Variants in SAMD13 observed in about 807,000 individuals in gnomAD.
SAMD13 encodes the protein sterile alpha motif domain containing 13.
Under a neutral mutation model 12.4 loss-of-function variants are expected in SAMD13, and 9 were observed. The ratio of observed to expected loss-of-function variants is 0.72; its 90% confidence interval spans 0.44 to 1.26. SAMD13 has a LOEUF of 1.26. Among genes scored for constraint, SAMD13 ranks in the 50% most tolerant of loss-of-function variants. The probability of loss-of-function intolerance (pLI) is 0.00; values close to 1 mark genes in which losing one functional copy is unlikely to be tolerated. For synonymous variants in SAMD13, 46 were observed against 45.4 expected (o/e 1.01, Z -0.05); for missense variants, 84 against 119.6 (o/e 0.70, Z 1.39).
At chr1:84,326,484 A>G (rs1570246631) in intron 3 of SAMD13, among the ~76,000 whole-genome samples, 1 of 152,080 alleles carries the variant, frequency 6.6e-6, no homozygotes, top group African/African-American at 2.4e-5. Flanking sequence ...GTCCATCCCA[A>G]TTGTCTAGGT....
intron 3 of SAMD13, among the ~76,000 whole-genome samples, chr1:84,348,141 A>G (rs948160458): frequency 2.0e-5 from 3 of 152,240 alleles, no homozygotes; most frequent in African/African-American, 4.8e-5. Context: ...AAGTGATTGT[A>G]TAACTCATAG....
intron 2 of SAMD13, among the ~76,000 whole-genome samples, chr1:84,315,058 TTCTTTCTTTTTCTTC>T (rs1678804800): frequency 6.7e-6 from 1 of 149,350 alleles, no homozygotes. Flanking sequence ...CTTTCCTTCC[TTCTTTCTTTTTCTTC>T]TCTTTCTTTT....
upstream of SAMD13, chr1:84,298,577 CTGCCTGTGCGCCCAGGGCGTGGGAAG>C (rs2101780233): frequency 7.8e-7 from 1 of 1,284,884 alleles, no homozygotes; most frequent in South Asian, 3.7e-5. Context: ...GGTAAGTGAT[CTGCCTGTGCGCCCAGGGCGTGGGAAG>C]GCGCCCGCCC....
chr1:84,318,166 T>C (rs956443587), intron 2 of SAMD13, among the ~76,000 whole-genome samples: 1 of 152,066 alleles, frequency 6.6e-6, no homozygotes, highest in Non-Finnish European at 1.5e-5. Flanking sequence ...TTCTATTCTC[T>C]ATTTTACTCC....
chr1:84,344,578 G>T (rs1454138719), intron 3 of SAMD13: 2 of 266,388 alleles, frequency 7.5e-6, no homozygotes, highest in African/African-American at 2.2e-5. Flanking sequence ...AAAGGGCTTG[G>T]TGTAAACTTG....
intron 2 of SAMD13, among the ~76,000 whole-genome samples, chr1:84,318,689 G>A (rs921141581): frequency 6.6e-5 from 10 of 152,034 alleles, no homozygotes; most frequent in Non-Finnish European, 1.5e-4. Flanking sequence ...TAATATACGG[G>A]AATTAATAGT....
intron 3 of SAMD13, among the ~76,000 whole-genome samples, chr1:84,348,008 C>G (rs1188228129): frequency 6.6e-6 from 1 of 152,062 alleles, no homozygotes; most frequent in Non-Finnish European, 1.5e-5. Context: ...TAAAGATTTC[C>G]CAAACTCAAA....
rs150169044 is a variant in SAMD13, at chr1:84,331,045, A to C, written c.165+5297A>C. On this transcript the variant is annotated intron_variant, in intron 3 of 3. Coordinates refer to ENST00000394834, the MANE Select transcript of SAMD13 (RefSeq NM_001134663.2). ...GAAATGCAAAGATTGACATCTCTTTACAGATGACTTATTGCTAACTTTGGA... is the reference window on the plus strand; with the variant it reads ...GAAATGCAAAGATTGACATCTCTTTCCAGATGACTTATTGCTAACTTTGGA... Among the ~76,000 whole-genome samples, 227 of 152,272 alleles carry C rather than the reference A, an allele frequency of 1.5e-3. 1 individual carries two copies. The highest frequency in any genetic ancestry group is 5.1e-3 in the African/African-American group (214 of 41,562).
At chr1:84,304,478 T>A (rs1320106732) in intron 2 of SAMD13, among the ~76,000 whole-genome samples, 1 of 152,204 alleles carries the variant, frequency 6.6e-6, no homozygotes, top group Non-Finnish European at 1.5e-5. Context: ...TAATTTTACT[T>A]AATTGTAATT....
chr1:84,308,103 T>C (rs1323932247), intron 2 of SAMD13, among the ~76,000 whole-genome samples: 3 of 152,238 alleles, frequency 2.0e-5, no homozygotes, highest in African/African-American at 7.2e-5. Context: ...TACCCATCTC[T>C]CAAGGATTAC....
chr1:84,341,261 C>G (rs1292761582), intron 3 of SAMD13, among the ~76,000 whole-genome samples: 1 of 152,144 alleles, frequency 6.6e-6, no homozygotes, highest in Non-Finnish European at 1.5e-5. Context: ...CTTACAGCCT[C>G]TATTTCCTTT....
intron 1 of SAMD13, chr1:84,302,589 T>G: frequency 2.1e-5 from 17 of 791,382 alleles, no homozygotes; most frequent in Non-Finnish European, 2.3e-5. Flanking sequence ...AGCACCACCT[T>G]TCTGTGCTAA....
intron 3 of SAMD13, among the ~76,000 whole-genome samples, chr1:84,336,518 T>C (rs187085562): frequency 6.6e-6 from 1 of 152,228 alleles, no homozygotes; most frequent in African/African-American, 2.4e-5. Flanking sequence ...TTTAAAACCA[T>C]CAGATCTCCT....
chr1:84,345,193 T>C, intron 3 of SAMD13: 1 of 456,328 alleles, frequency 2.2e-6, no homozygotes, highest in Non-Finnish European at 4.4e-6. Flanking sequence ...AAGAGAGTTG[T>C]TACAAAGAAA....
chr1:84,343,872 T>TGCG (rs1679477792), intron 3 of SAMD13, among the ~76,000 whole-genome samples: 1 of 151,922 alleles, frequency 6.6e-6, no homozygotes, highest in Non-Finnish European at 1.5e-5. Context: ...AAATTTAAAT[T>TGCG]AAAAAAAATT....
At chr1:84,336,700 C>T (rs1570256186) in intron 3 of SAMD13, among the ~76,000 whole-genome samples, 1 of 152,208 alleles carries the variant, frequency 6.6e-6, no homozygotes, top group African/African-American at 2.4e-5. Flanking sequence ...CACATCCTCA[C>T]ATTTCAAAAC....
intron 2 of SAMD13, among the ~76,000 whole-genome samples, chr1:84,312,024 G>A (rs574072299): frequency 6.6e-6 from 1 of 152,260 alleles, no homozygotes; most frequent in African/African-American, 2.4e-5. Context: ...GTATTCTTCA[G>A]GCAATTGTTT....
At chr1:84,349,265 G>A (rs893790636) in intron 3 of SAMD13, among the ~76,000 whole-genome samples, 3 of 152,114 alleles carry the variant, frequency 2.0e-5, no homozygotes, top group Admixed American at 2.0e-4. Context: ...TTAAGTTCAT[G>A]GAAAATTCTG....
At chr1:84,346,383 C>T (rs774430040) in intron 3 of SAMD13, among the ~76,000 whole-genome samples, 7 of 152,144 alleles carry the variant, frequency 4.6e-5, no homozygotes, top group East Asian at 3.9e-4. Flanking sequence ...TATTGCCCAA[C>T]GGGAACCTGA....
Sources: gnomAD v4.1 joint callset for allele counts (sites outside exome capture counted in the v4.1 genomes callset) on GRCh38, gnomAD v4.1.1 for gene constraint, MANE v1.5 for transcripts, NCBI Gene and HGNC (gene_info 2026-07-23, HGNC 2026-07-21) for gene names.